The following SNTG1 variants were observed in gnomAD, a reference collection of about 807,000 sequenced individuals.
The protein encoded by SNTG1 is syntrophin gamma 1, also known as gamma-1-syntrophin.
In SNTG1, 39 loss-of-function variants were observed where a neutral mutation model predicts 74.7. The ratio of observed to expected loss-of-function variants is 0.52; its 90% CI spans 0.40 to 0.68. The LOEUF (loss-of-function observed/expected upper bound fraction) is 0.68. SNTG1 is among the 30% of genes least tolerant of loss of function. SNTG1 has a pLI of 0.00. For missense variants in SNTG1, 685 were observed against 609.5 expected (o/e 1.12, Z -1.30); for synonymous variants, 254 against 217.1 (o/e 1.17, Z -1.49).
At chr8:50,370,709 T>C (rs1473230630) in intron 2 of SNTG1, among the ~76,000 whole-genome samples, 5 of 152,068 alleles carry the variant, frequency 3.3e-5, no homozygotes, top group Non-Finnish European at 7.4e-5. Context: ...CGCTCCTTTC[T>C]TCCAGACCTA....
chr8:50,013,493 A>G (rs1816021653), intron 1 of SNTG1, among the ~76,000 whole-genome samples: 1 of 151,900 alleles, frequency 6.6e-6, no homozygotes, highest in Non-Finnish European at 1.5e-5. Flanking sequence ...ATAGATAGAT[A>G]GATAGATAGA....
At chr8:50,557,388 C>T (rs150555928) in intron 12 of SNTG1, among the ~76,000 whole-genome samples, 2 of 152,136 alleles carry the variant, frequency 1.3e-5, no homozygotes, top group Non-Finnish European at 2.9e-5. Flanking sequence ...CCAAAATTTC[C>T]TAAAACAATT....
chr8:50,378,758 G>C (rs1341650383), intron 2 of SNTG1, among the ~76,000 whole-genome samples: 1 of 152,006 alleles, frequency 6.6e-6, no homozygotes, highest in East Asian at 1.9e-4. Context: ...GAAGTGTTCA[G>C]TTCTCAGCAG....
chr8:50,439,700 A>ATTTTTTTTTGTTTTGCT (rs2093339958), intron 5 of SNTG1, among the ~76,000 whole-genome samples: 1 of 134,720 alleles, frequency 7.4e-6, no homozygotes, highest in Non-Finnish European at 1.6e-5. Context: ...AATAAATGAG[A>ATTTTTTTTTGTTTTGCT]TTTTTTTTTG....
chr8:50,095,091 G>T (rs763710894), intron 1 of SNTG1, among the ~76,000 whole-genome samples: 2 of 152,142 alleles, frequency 1.3e-5, no homozygotes, highest in African/African-American at 2.4e-5. Context: ...ACTTACAAAT[G>T]ACAGTTAAAC....
chr8:50,676,111 G>A (rs1157940576), intron 15 of SNTG1, among the ~76,000 whole-genome samples: 2 of 151,856 alleles, frequency 1.3e-5, no homozygotes, highest in Admixed American at 1.3e-4. Flanking sequence ...TATGTGTCTT[G>A]GGGTATATCT....
chr8:49,995,709 T>G (rs2130374404), intron 1 of SNTG1, among the ~76,000 whole-genome samples: 1 of 152,222 alleles, frequency 6.6e-6, no homozygotes. Context: ...AGAGAGAGAA[T>G]GAGAAGTCAG....
chr8:49,987,328 C>A (rs931401676), intron 1 of SNTG1, among the ~76,000 whole-genome samples: 5 of 151,870 alleles, frequency 3.3e-5, no homozygotes, highest in African/African-American at 9.7e-5. Flanking sequence ...TGTGAAACAA[C>A]CATAAAAATT....
intron 1 of SNTG1, among the ~76,000 whole-genome samples, chr8:50,105,396 T>G (rs979757446): frequency 2.6e-5 from 4 of 152,180 alleles, no homozygotes; most frequent in African/African-American, 9.7e-5. Flanking sequence ...TGTTTCTATT[T>G]TGTACCAGTA....
chr8:50,280,891 C>A (rs952704470), intron 2 of SNTG1, among the ~76,000 whole-genome samples: 1 of 150,222 alleles, frequency 6.7e-6, no homozygotes, highest in African/African-American at 2.5e-5. Context: ...AGGTGGCTCA[C>A]GCCTGTAATC....
chr8:50,566,227 A>G (rs917198155), intron 12 of SNTG1, among the ~76,000 whole-genome samples: 1 of 151,996 alleles, frequency 6.6e-6, no homozygotes, highest in African/African-American at 2.4e-5. Flanking sequence ...TTAATACTCC[A>G]ACAAATACAC....
intron 8 of SNTG1, among the ~76,000 whole-genome samples, chr8:50,499,722 T>C (rs2093935145): frequency 6.6e-6 from 1 of 151,938 alleles, no homozygotes; most frequent in African/African-American, 2.4e-5. Flanking sequence ...TACCATTACT[T>C]TGCTTAAAGT....
intron 1 of SNTG1, among the ~76,000 whole-genome samples, chr8:50,026,078 A>G (rs962246209): frequency 6.6e-6 from 1 of 152,198 alleles, no homozygotes; most frequent in Non-Finnish European, 1.5e-5. Context: ...TCCATACTGC[A>G]AAACGTTCAA....
At chr8:50,546,492 A>G (rs2094388911) in intron 11 of SNTG1, among the ~76,000 whole-genome samples, 1 of 151,538 alleles carries the variant, frequency 6.6e-6, no homozygotes, top group African/African-American at 2.4e-5. Context: ...TCAACTCGTC[A>G]TTTAGCATTA....
chr8:50,721,984 G>A (rs760694796), intron 17 of SNTG1, among the ~76,000 whole-genome samples: 45 of 152,142 alleles, frequency 3.0e-4, no homozygotes, highest in South Asian at 1.0e-3. Context: ...ATGATTCAGT[G>A]TCAGGAACAA....
At chr8:50,482,755 T>C (rs1019556141) in intron 8 of SNTG1, among the ~76,000 whole-genome samples, 1 of 152,186 alleles carries the variant, frequency 6.6e-6, no homozygotes, top group Non-Finnish European at 1.5e-5. Flanking sequence ...AGGGGGCTAA[T>C]ACTTTGGCTC....
intron 17 of SNTG1, among the ~76,000 whole-genome samples, chr8:50,739,183 C>A (rs923810911): frequency 6.6e-6 from 1 of 151,976 alleles, no homozygotes; most frequent in Admixed American, 6.6e-5. Flanking sequence ...GGGCTAATAT[C>A]CAGAATCTAC....
At chr8:50,093,819 CCA>C (rs1201843308) in intron 1 of SNTG1, among the ~76,000 whole-genome samples, 2 of 152,006 alleles carry the variant, frequency 1.3e-5, no homozygotes. Flanking sequence ...CAAGATTAAA[CCA>C]TAAAGAGACA....
At chr8:49,923,982 T>C (rs1806794525) in intron 1 of SNTG1, among the ~76,000 whole-genome samples, 1 of 152,182 alleles carries the variant, frequency 6.6e-6, no homozygotes, top group African/African-American at 2.4e-5. Context: ...ACCTATATCT[T>C]GGATTGCTAA....
Sources: gnomAD v4.1 joint callset for allele counts (sites outside exome capture counted in the v4.1 genomes callset) on GRCh38, gnomAD v4.1.1 for gene constraint, MANE v1.5 for transcripts, NCBI Gene and HGNC (gene_info 2026-07-23, HGNC 2026-07-21) for gene names.